Variants in CNTN3 observed in about 807,000 individuals in gnomAD.
CNTN3 encodes contactin 3.
In CNTN3, 60 loss-of-function variants were observed where a neutral mutation model predicts 119.1. The ratio of observed to expected loss-of-function variants is 0.50; its 90% CI spans 0.41 to 0.62. CNTN3 has a LOEUF of 0.62. CNTN3 is among the 20% of genes least tolerant of loss of function. The pLI is 0.00. For synonymous variants in CNTN3, 450 were observed against 438.7 expected, an observed-to-expected ratio of 1.03 and a Z score of -0.32; for missense variants, 1,101 against 1,242.4, an observed-to-expected ratio of 0.89 and a Z score of 1.71.
At position 74,301,507 on chromosome 3, in the gene CNTN3, T is replaced by G. The variant is rs1702453947; in HGVS notation, c.1986A>C (p.Val662=). Reference sequence around the variant, plus strand: ...ATTCCACCCATGGGTTTAACTCAACTACAGTGGCTGTGTGCGTCTTCCCAT... The same window carrying G: ...ATTCCACCCATGGGTTTAACTCAACGACAGTGGCTGTGTGCGTCTTCCCAT... ...VIDGKTHTAT[V]VELNPWVEYE... is the part of the protein sequence containing the mutation. Residue 662 remains valine, a synonymous_variant, in exon 16 of 23, where the codon GTA becomes GTC. Transcript: ENST00000263665. 6.2e-7 allele frequency: 1 copy of G among 1,614,032 alleles called. No individual in the cohort carries two copies. Among genetic ancestry groups the G allele is most frequent in the African/African-American group, 1.3e-5 (1 of 74,924 alleles).
At chr3:74,574,866 G>A (rs1339215592) in intron 1 of CNTN3, among the ~76,000 whole-genome samples, 2 of 151,874 alleles carry the variant, frequency 1.3e-5, no homozygotes, top group African/African-American at 4.8e-5. Context: ...TGGGATGTTA[G>A]AGAGAGGACT....
chr3:74,373,493 G>C (rs1386565084), intron 5 of CNTN3, among the ~76,000 whole-genome samples: 1 of 152,140 alleles, frequency 6.6e-6, no homozygotes, highest in East Asian at 1.9e-4. Context: ...GGAATAAAAA[G>C]TCAATCCTAT....
At chr3:74,444,085 T>C (rs980404166) in intron 4 of CNTN3, among the ~76,000 whole-genome samples, 1 of 152,100 alleles carries the variant, frequency 6.6e-6, no homozygotes, top group Non-Finnish European at 1.5e-5. Context: ...AATCTCCGCC[T>C]CCATTGTCAC....
chr3:74,467,012 T>C (rs1702473750), intron 4 of CNTN3, among the ~76,000 whole-genome samples: 1 of 152,174 alleles, frequency 6.6e-6, no homozygotes, highest in Admixed American at 6.6e-5. Context: ...TGATGATATA[T>C]TCCATTTTTT....
At position 74,364,606 on chromosome 3, in the gene CNTN3, A is replaced by AAT. The variant is rs1559564851; in HGVS notation, c.1084-12_1084-11dup. On this transcript the variant is annotated splice_polypyrimidine_tract_variant and intron_variant, in intron 9 of 22. Transcript: ENST00000263665. Reference sequence around the variant, plus strand: ...CTATCTGTGTTCTCTCCTAGATGATAATAAAAATATCTTTCATATAAACAA... The same window carrying AAT: ...CTATCTGTGTTCTCTCCTAGATGATAATATAAAAATATCTTTCATATAAACAA... The AAT allele has an allele frequency of 6.3e-7, 1 of 1,590,966 alleles. No homozygotes were observed. Among genetic ancestry groups the AAT allele is most frequent in the East Asian group, 2.2e-5 (1 of 44,632 alleles).
At position 74,546,959 on chromosome 3, in the gene CNTN3, G is replaced by A. The variant is rs187598249; in HGVS notation, c.-80-25767C>T. 3.2e-3 allele frequency among the ~76,000 whole-genome samples: 484 copies of A among 151,648 alleles called. 3 individuals carry two copies. Among genetic ancestry groups the A allele is most frequent in the African/African-American group, 0.011 (469 of 41,326 alleles). ...CATTTCTCCTTATTTTGTTGATTTC[G>A]CAAAATTAACTTTTTATTTTATGAC... On this transcript the variant is annotated intron_variant, in intron 1 of 22. Coordinates refer to ENST00000263665, the MANE Select transcript of CNTN3 (RefSeq NM_020872.3).
intron 5 of CNTN3, among the ~76,000 whole-genome samples, chr3:74,379,337 G>A (rs767501832): frequency 1.3e-5 from 2 of 152,084 alleles, no homozygotes; most frequent in Non-Finnish European, 2.9e-5. Flanking sequence ...TGTATTTTTA[G>A]TAGAGACGGG....
At chr3:74,454,539 T>G (rs1197372246) in intron 4 of CNTN3, among the ~76,000 whole-genome samples, 3 of 152,158 alleles carry the variant, frequency 2.0e-5, no homozygotes, top group African/African-American at 7.2e-5. Context: ...TATGTGTGAA[T>G]TTGATCCTGT....
At chr3:74,369,452 A>T in intron 7 of CNTN3, 79 bp from the exon 8 acceptor site, 1 of 1,120,206 alleles carries the variant, frequency 8.9e-7, no homozygotes, top group Non-Finnish European at 1.2e-6. Context: ...TTAAGATTGA[A>T]CAAGAAGGCA....
intron 11 of CNTN3, among the ~76,000 whole-genome samples, chr3:74,355,316 T>G (rs566818922): frequency 6.6e-6 from 1 of 152,134 alleles, no homozygotes; most frequent in Non-Finnish European, 1.5e-5. Context: ...TCCTCAAGGC[T>G]TCACTTCATT....
In CNTN3 at chr3:74,424,895, C is replaced by T. The variant is rs775718393; in HGVS notation, c.404G>A (p.Arg135His). Residue 135 changes from arginine (R) to histidine (H), a missense_variant, in exon 5 of 23, where the codon CGT becomes CAT. Transcript: ENST00000263665. ...KTKMRSTVSV[R>H]EGQGVVLLCG... is the part of the protein sequence containing the mutation. Reference sequence around the variant, plus strand: ...GAGCAGCACAACTCCCTGGCCTTCACGCACAGACACTGTACTCCTCATTTT... The same window carrying T: ...GAGCAGCACAACTCCCTGGCCTTCATGCACAGACACTGTACTCCTCATTTT... 14 of 1,613,418 alleles carry T rather than the reference C, an allele frequency of 8.7e-6. No individual in the cohort carries two copies. The Admixed American group carries it at 1.0e-4, about 12-fold the overall frequency.
At chr3:74,573,949 G>A (rs9837406) in intron 1 of CNTN3, among the ~76,000 whole-genome samples, 122,518 of 152,050 alleles carry the variant, frequency 0.81, 49,519 homozygotes, top group African/African-American at 0.86. Context: ...ACTCATATTC[G>A]TATACCCAAG....
chr3:74,362,671 T>G (rs1704101457), intron 10 of CNTN3, among the ~76,000 whole-genome samples: 1 of 152,170 alleles, frequency 6.6e-6, no homozygotes, highest in South Asian at 2.1e-4. Context: ...CTTGAACATT[T>G]AAGATACATA....
chr3:74,281,358 T>G (rs1702004645), intron 20 of CNTN3, among the ~76,000 whole-genome samples: 1 of 151,982 alleles, frequency 6.6e-6, no homozygotes, highest in Non-Finnish European at 1.5e-5. Flanking sequence ...TGAGACAGGG[T>G]TTTACTCTGT....
At chr3:74,492,134 A>T (rs1049820736) in intron 3 of CNTN3, among the ~76,000 whole-genome samples, 1 of 152,208 alleles carries the variant, frequency 6.6e-6, no homozygotes, top group Non-Finnish European at 1.5e-5. Flanking sequence ...GTCAGCCTTC[A>T]GTGTTCAAAC....
At chr3:74,381,142 T>C (rs1282193707) in intron 5 of CNTN3, among the ~76,000 whole-genome samples, 1 of 150,864 alleles carries the variant, frequency 6.6e-6, no homozygotes, top group East Asian at 2.0e-4. Context: ...CTTTTGTCCA[T>C]TAGTAGCACA....
intron 4 of CNTN3, among the ~76,000 whole-genome samples, chr3:74,468,602 A>G (rs1359412506): frequency 6.6e-6 from 1 of 152,174 alleles, no homozygotes; most frequent in Non-Finnish European, 1.5e-5. Context: ...ATTATTTTTT[A>G]TTAATGGCAT....
chr3:74,377,363 T>C (rs1280400064), intron 5 of CNTN3, among the ~76,000 whole-genome samples: 3 of 152,130 alleles, frequency 2.0e-5, no homozygotes, highest in South Asian at 2.1e-4. Flanking sequence ...TTATGCATTA[T>C]GAATATAGTA....
chr3:74,303,904 T>C lies in CNTN3; in HGVS notation c.1669-1097A>G, dbSNP rs147940937. 9.4e-3 allele frequency among the ~76,000 whole-genome samples: 1,426 copies of C among 152,308 alleles called. 13 individuals are homozygous for C. Among genetic ancestry groups the C allele is most frequent in the South Asian group, 0.018 (85 of 4,828 alleles). Reference sequence around the variant, plus strand: ...AAAATATGACTTGTAATAAGTCATATGATTTCGAAACCAAAGCCCTTGGAA... The same window carrying C: ...AAAATATGACTTGTAATAAGTCATACGATTTCGAAACCAAAGCCCTTGGAA... On this transcript the variant is annotated intron_variant, in intron 13 of 22. Transcript: ENST00000263665.
Sources: gnomAD v4.1 joint callset for allele counts (sites outside exome capture counted in the v4.1 genomes callset) on GRCh38, gnomAD v4.1.1 for gene constraint, MANE v1.5 for transcripts, NCBI Gene and HGNC (gene_info 2026-07-23, HGNC 2026-07-21) for gene names.